The following TMIE variants were observed in gnomAD, a reference collection of about 807,000 sequenced individuals.
The protein encoded by TMIE is transmembrane inner ear.
In TMIE, 14 loss-of-function variants were observed where a neutral mutation model predicts 16.8. The observed-to-expected ratio is 0.83, with a 90% CI of 0.55 to 1.30. The LOEUF (loss-of-function observed/expected upper bound fraction) is 1.30. Among genes scored for constraint, TMIE ranks in the 50% most tolerant of loss-of-function variants. TMIE has a pLI of 0.00. For synonymous variants in TMIE, 75 were observed against 87.2 expected, an observed-to-expected ratio of 0.86 and a Z score of 0.78; for missense variants, 204 against 205.9, an observed-to-expected ratio of 0.99 and a Z score of 0.06.
chr3:46,695,772 T>G (rs1700406755), intron 1 of TMIE, among the ~76,000 whole-genome samples: 1 of 152,132 alleles, frequency 6.6e-6, no homozygotes. Context: ...CACGGCTTCC[T>G]CCCTAGAGCA....
rs1017317481 is a variant in TMIE at position 46,709,300 on chromosome 3, T to G, written c.361+25T>G. The G allele has an allele frequency of 6.8e-6, 11 of 1,613,358 alleles. No individual in the cohort carries two copies. In the Admixed American group the frequency reaches 1.7e-4, roughly 24 times the overall value. ...GGTGAGTTGGCCCTGGCTTGAGCCC[T>G]GCTGCGCCAGCCAGTTCCTCAGTCC... On this transcript the variant is annotated intron_variant, in intron 3 of 3. Coordinates refer to ENST00000643606, the MANE Select transcript of TMIE (RefSeq NM_147196.3).
chr3:46,707,568 A>C (rs1700568040), intron 2 of TMIE, among the ~76,000 whole-genome samples: 1 of 152,208 alleles, frequency 6.6e-6, no homozygotes, highest in Admixed American at 6.5e-5. Context: ...GGCTGGGGCT[A>C]GATGGGGTGC....
intron 3 of TMIE, 137 bp downstream of exon 3, chr3:46,709,412 A>T: frequency 6.3e-7 from 1 of 1,598,776 alleles, no homozygotes. Flanking sequence ...ACCAGAGCAC[A>T]GAAATTGGTT....
chr3:46,707,792 G>T (rs543511092), intron 2 of TMIE, among the ~76,000 whole-genome samples: 58 of 152,338 alleles, frequency 3.8e-4, no homozygotes, highest in Non-Finnish European at 3.5e-4. Context: ...CCAGCCTCCC[G>T]GGGCCTGGGA....
intron 1 of TMIE, among the ~76,000 whole-genome samples, chr3:46,704,268 A>G (rs1210347631): frequency 5.5e-5 from 8 of 144,800 alleles, no homozygotes; most frequent in Non-Finnish European, 1.2e-4. Context: ...CATGTCCCCT[A>G]GACACCCAGG....
At chr3:46,702,121 G>A (rs887811921) in intron 1 of TMIE, among the ~76,000 whole-genome samples, 5 of 152,244 alleles carry the variant, frequency 3.3e-5, no homozygotes, top group East Asian at 1.9e-4. Flanking sequence ...GGTGGGGGCA[G>A]CAGGATGAGG....
At chr3:46,699,292 G>A (rs1165143374), upstream of TMIE, among the ~76,000 whole-genome samples, 1 of 151,942 alleles carries the variant, frequency 6.6e-6, no homozygotes, top group African/African-American at 2.4e-5. Context: ...GGCTGGTCTC[G>A]ACTCCTGACC....
At chr3:46,708,057 T>C (rs1700574863) in intron 2 of TMIE, among the ~76,000 whole-genome samples, 1 of 152,226 alleles carries the variant, frequency 6.6e-6, no homozygotes, top group East Asian at 1.9e-4. Flanking sequence ...GCCTGGATGC[T>C]ATTGGCTCCC....
chr3:46,707,425 T>C (rs1417467436), intron 2 of TMIE, among the ~76,000 whole-genome samples: 1 of 152,178 alleles, frequency 6.6e-6, no homozygotes, highest in Non-Finnish European at 1.5e-5. Flanking sequence ...AGGCAGCACT[T>C]GTTACCTTCC....
chr3:46,708,507 G>A (rs1700579306), intron 2 of TMIE, among the ~76,000 whole-genome samples: 1 of 152,228 alleles, frequency 6.6e-6, no homozygotes, highest in African/African-American at 2.4e-5. Context: ...TCCATGACCT[G>A]GCCCAACTGG....
chr3:46,697,756 C>T (rs1352287090), upstream of TMIE, among the ~76,000 whole-genome samples: 1 of 151,934 alleles, frequency 6.6e-6, no homozygotes, highest in African/African-American at 2.4e-5. Context: ...GGATCTGACA[C>T]TATCTCCGGG....
intron 2 of TMIE, among the ~76,000 whole-genome samples, chr3:46,706,704 G>A (rs1031062313): frequency 5.3e-5 from 8 of 152,196 alleles, no homozygotes; most frequent in Non-Finnish European, 8.8e-5. Context: ...GCTGCAGACC[G>A]GTGGGAGGGT....
chr3:46,693,994 C>T (rs1377166039), upstream of TMIE, among the ~76,000 whole-genome samples: 10 of 152,134 alleles, frequency 6.6e-5, no homozygotes, highest in Non-Finnish European at 1.2e-4. Flanking sequence ...TCTCGCGCCC[C>T]GCTTCCCCTG....
At position 46,705,860 on chromosome 3, in the gene TMIE, G is replaced by T; in HGVS notation, c.164G>T (p.Arg55Leu). ...GAGACAGTGGTGTTCTGGGACATGCGCCTGTGGCACGTGGTGGGCATCTTT... is the reference window on the plus strand; with the variant it reads ...GAGACAGTGGTGTTCTGGGACATGCTCCTGTGGCACGTGGTGGGCATCTTT... ...TKETVVFWDM[R>L]LWHVVGIFSL... Residue 55 changes from arginine to leucine, a missense_variant, in exon 2 of 4, where the codon CGC becomes CTC. By Grantham distance (102) the Arg-to-Leu change is moderately radical. Coordinates refer to ENST00000643606, the MANE Select transcript of TMIE (RefSeq NM_147196.3). 1 of 1,614,138 alleles carries T rather than the reference G, an allele frequency of 6.2e-7. No individual in the cohort carries two copies. The highest frequency in any genetic ancestry group is 8.5e-7 in the Non-Finnish European group (1 of 1,180,044).
Position 46,709,673 on chromosome 3 carries a change from G to T in TMIE, c.456G>T (p.Lys152Asn), listed in dbSNP as rs1202904871. ...ATGAGAAGAATGAGGCCAAGAAGAAGAAAGGAGAGAAATGAAGACATCCTG... is the reference window on the plus strand; with the variant it reads ...ATGAGAAGAATGAGGCCAAGAAGAATAAAGGAGAGAAATGAAGACATCCTG... Reference protein sequence around the residue: ...EEDEKNEAKKKKGEK With the variant: ...EEDEKNEAKKNKGEK The change falls in exon 4 of 4, where the codon AAG becomes AAT. Residue 152 changes from lysine to asparagine, a missense_variant. Physicochemically the swap from Lys to Asn is moderately conservative, Grantham distance 94. Coordinates refer to ENST00000643606, the MANE Select transcript of TMIE (RefSeq NM_147196.3). 1 of 1,614,016 alleles carries T rather than the reference G, an allele frequency of 6.2e-7. No homozygotes were observed. The highest frequency in any genetic ancestry group is 8.5e-7 in the Non-Finnish European group (1 of 1,180,000).
upstream of TMIE, among the ~76,000 whole-genome samples, chr3:46,697,177 C>T (rs780550281): frequency 6.6e-6 from 1 of 152,214 alleles, no homozygotes. Context: ...GCTACTGGCT[C>T]ATAGCTCCCA....
At position 46,701,588 on chromosome 3, in the gene TMIE, C is replaced by T. The variant is rs1200133328; in HGVS notation, c.93+8C>T. 2.3e-6 allele frequency: 3 copies of T among 1,280,546 alleles called. No homozygotes were observed. The highest frequency in any genetic ancestry group is 5.5e-5 in the South Asian group (2 of 36,500). 79.3% of individuals were successfully genotyped at this position (1,280,546 alleles called of 1,614,324 possible). ...GCCGGGCAGCTGGTGGAGGTGAGGC[C>T]GCGGCACGGAGGGACTGGGGAGGCT... On this transcript the variant is annotated splice_region_variant and intron_variant, in intron 1 of 3. Transcript: ENST00000643606. This position sits in a 1 kb window ranked among gnomAD's most constrained non-coding sequence, Gnocchi z 4.3.
intron 1 of TMIE, among the ~76,000 whole-genome samples, chr3:46,695,335 C>G (rs1306982381): frequency 6.6e-6 from 1 of 152,218 alleles, no homozygotes; most frequent in Non-Finnish European, 1.5e-5. Flanking sequence ...GTGCTGCTTT[C>G]CTCTTGCTGT....
intron 1 of TMIE, among the ~76,000 whole-genome samples, chr3:46,704,647 C>A (rs1700525680): frequency 6.6e-6 from 1 of 150,636 alleles, no homozygotes; most frequent in Non-Finnish European, 1.5e-5. Flanking sequence ...GACCATGTCC[C>A]CTAGACACCC....
Sources: allele counts gnomAD v4.1 joint callset (sites outside exome capture counted in the v4.1 genomes callset), GRCh38; gene constraint gnomAD v4.1.1; non-coding constraint Gnocchi (gnomAD v3.1); transcripts MANE v1.5; gene names NCBI Gene and HGNC (gene_info 2026-07-23, HGNC 2026-07-21).